Variants in PTPRK observed in about 807,000 individuals in gnomAD.
The protein encoded by PTPRK is protein tyrosine phosphatase receptor type K, also known as receptor-type tyrosine-protein phosphatase kappa.
PTPRK carries 75 observed loss-of-function variants against 178.0 expected under a neutral mutation model. That is an observed-to-expected ratio of 0.42 (90% CI 0.35 to 0.51). The LOEUF is 0.51. Ranked by LOEUF, PTPRK falls within the 20% of genes least tolerant of loss-of-function variation. The pLI, the probability that PTPRK is intolerant of heterozygous loss-of-function variation, is 0.02. For synonymous variants in PTPRK, 637 were observed against 620.6 expected (o/e 1.03, Z -0.39); for missense variants, 1,441 against 1,797.8 (o/e 0.80, Z 3.59).
chr6:128,188,534 G>A (rs894827904), intron 6 of PTPRK, among the ~76,000 whole-genome samples: 11 of 152,038 alleles, frequency 7.2e-5, no homozygotes, highest in Non-Finnish European at 1.5e-4. Flanking sequence ...TTTGTCAATG[G>A]GGCCTTGACA....
rs1265814001 is a variant in PTPRK at position 128,497,779 on chromosome 6, G to T, written c.100+22480C>A. Among the ~76,000 whole-genome samples the T allele has an allele frequency of 4.5e-3, 514 of 115,432 alleles. 4 individuals are homozygous for T. Among genetic ancestry groups the T allele is most frequent in the African/African-American group, 0.011 (401 of 37,672 alleles). 75.7% of individuals were successfully genotyped at this position (115,432 alleles called of 152,430 possible). On this transcript the variant is annotated intron_variant, in intron 1 of 29. Transcript: ENST00000368226. Reference sequence around the variant, plus strand: ...GTAATTATCACCTATCAAAAAGGTTGTTTTTTTTTTTCCTTTCTATTAGAT... The same window carrying T: ...GTAATTATCACCTATCAAAAAGGTTTTTTTTTTTTTTCCTTTCTATTAGAT...
rs569414015 is a variant in PTPRK at position 128,226,735 on chromosome 6, T to G, written c.694-7639A>C. On this transcript the variant is annotated intron_variant, in intron 5 of 29. Coordinates refer to ENST00000368226, the MANE Select transcript of PTPRK (RefSeq NM_002844.4). Reference sequence around the variant, plus strand: ...TTCAATTTTGTAAATAAAATCCTACTATATGTAATCTTATAATTATATAGA... The same window carrying G: ...TTCAATTTTGTAAATAAAATCCTACGATATGTAATCTTATAATTATATAGA... Among the ~76,000 whole-genome samples, 81 of 145,124 alleles carry G rather than the reference T, an allele frequency of 5.6e-4. No individual in the cohort carries two copies. In the Middle Eastern group the frequency reaches 0.015, roughly 26 times the overall value.
In PTPRK at chr6:128,519,844, C is replaced by T. The variant is rs759855156; in HGVS notation, c.100+415G>A. ...CGAGGTCAGTCCCTTCGAATCTCCACATTTCTGACAATGGCTTCCCAGGGA... is the reference window on the plus strand; with the variant it reads ...CGAGGTCAGTCCCTTCGAATCTCCATATTTCTGACAATGGCTTCCCAGGGA... On this transcript the variant is annotated intron_variant, in intron 1 of 29. Transcript: ENST00000368226. The surrounding 1 kb of genome is among the most constrained non-coding windows in gnomAD (Gnocchi z 4.3). Among the ~76,000 whole-genome samples the T allele has an allele frequency of 7.9e-5, 12 of 152,240 alleles. No individual in the cohort carries two copies. Among genetic ancestry groups the T allele is most frequent in the Non-Finnish European group, 1.6e-4 (11 of 68,046 alleles).
At chr6:128,229,766 T>A (rs1430958366) in intron 5 of PTPRK, among the ~76,000 whole-genome samples, 1 of 152,188 alleles carries the variant, frequency 6.6e-6, no homozygotes, top group Non-Finnish European at 1.5e-5. Flanking sequence ...TTTAAATCCA[T>A]GAGTGTATAA....
intron 3 of PTPRK, among the ~76,000 whole-genome samples, chr6:128,260,071 T>C (rs978188177): frequency 1.8e-4 from 27 of 152,210 alleles, no homozygotes; most frequent in African/African-American, 6.5e-4. Context: ...TTTGAATATT[T>C]ATAAGTATTT....
chr6:127,980,384 C>G (rs1414002177), intron 25 of PTPRK, among the ~76,000 whole-genome samples: 2 of 151,170 alleles, frequency 1.3e-5, no homozygotes, highest in African/African-American at 2.4e-5. Context: ...CCAAGTTACT[C>G]AAGAGTCTGA....
chr6:128,333,624 G>C (rs1263161302), intron 2 of PTPRK, among the ~76,000 whole-genome samples: 1 of 152,128 alleles, frequency 6.6e-6, no homozygotes, highest in East Asian at 1.9e-4. Flanking sequence ...TCAATGTTGA[G>C]GGCCTTGCTC....
intron 5 of PTPRK, among the ~76,000 whole-genome samples, chr6:128,233,333 C>A (rs1176271144): frequency 4.6e-5 from 7 of 152,160 alleles, no homozygotes; most frequent in Non-Finnish European, 8.8e-5. Context: ...GCTTTAGATT[C>A]CCACTACCAT....
At chr6:128,204,950 G>A (rs992967325) in intron 6 of PTPRK, among the ~76,000 whole-genome samples, 3 of 152,224 alleles carry the variant, frequency 2.0e-5, no homozygotes, top group East Asian at 1.9e-4. Flanking sequence ...CTTTTATAAA[G>A]ATACATGCAT....
At chr6:128,095,675 T>C (rs1278531132) in intron 7 of PTPRK, among the ~76,000 whole-genome samples, 2 of 152,204 alleles carry the variant, frequency 1.3e-5, no homozygotes, top group African/African-American at 2.4e-5. Flanking sequence ...TGTTTTCATA[T>C]ACTTGAAGAA....
Position 127,990,699 on chromosome 6 carries a change from C to G in PTPRK, c.3096+70G>C, listed in dbSNP as rs553755997. The G allele has an allele frequency of 3.0e-6, 3 of 994,778 alleles. No homozygotes were observed. The South Asian group carries it at 4.3e-5, about 14-fold the overall frequency. The allele number at this position is 994,778 out of a possible 1,614,324, so 61.6% of individuals were successfully genotyped here. A position where few individuals can be genotyped will look rare whatever the true frequency, so the allele number is the denominator to read the frequency against. On this transcript the variant is annotated intron_variant, in intron 21 of 29. Transcript: ENST00000368226. The stretch of plus-strand genomic sequence containing the variant: ...ATTTTATAGCATCATCAAAACAGAA[C>G]TTGGCAAAGATTTTAAGAGAAAAAG...
intron 13 of PTPRK, among the ~76,000 whole-genome samples, chr6:128,017,127 A>T (rs550571721): frequency 6.6e-6 from 1 of 152,010 alleles, no homozygotes; most frequent in Non-Finnish European, 1.5e-5. Flanking sequence ...CATTTTGCCA[A>T]ATCTGCTACT....
At chr6:128,282,896 G>T (rs532577653) in intron 3 of PTPRK, among the ~76,000 whole-genome samples, 1 of 152,206 alleles carries the variant, frequency 6.6e-6, no homozygotes, top group South Asian at 2.1e-4. Flanking sequence ...TGTACAAAAC[G>T]GAATGGTAGT....
At chr6:128,054,837 A>T (rs1051679892) in intron 13 of PTPRK, among the ~76,000 whole-genome samples, 6 of 152,224 alleles carry the variant, frequency 3.9e-5, no homozygotes, top group African/African-American at 1.4e-4. Context: ...TGAACCACGG[A>T]CTAGGGGTCA....
chr6:128,494,548 C>A (rs891496783), intron 1 of PTPRK, among the ~76,000 whole-genome samples: 3 of 152,020 alleles, frequency 2.0e-5, no homozygotes, highest in Admixed American at 6.5e-5. Flanking sequence ...TAAAAAAAAA[C>A]ACTTTTGTTT....
At chr6:128,050,317 G>T (rs1778792725) in intron 13 of PTPRK, among the ~76,000 whole-genome samples, 1 of 152,252 alleles carries the variant, frequency 6.6e-6, no homozygotes, top group South Asian at 2.1e-4. Flanking sequence ...CACCTTCCTT[G>T]AGACGTATTC....
intron 25 of PTPRK, 118 bp from the exon 26 acceptor site, chr6:127,977,172 G>T: frequency 6.2e-6 from 6 of 973,342 alleles, no homozygotes; most frequent in Non-Finnish European, 7.9e-6. Flanking sequence ...TTCATATGCA[G>T]AAGGAGCCAG....
intron 1 of PTPRK, among the ~76,000 whole-genome samples, chr6:128,426,515 T>A (rs1844159114): frequency 6.6e-6 from 1 of 152,244 alleles, no homozygotes; most frequent in Admixed American, 6.5e-5. Context: ...TTAATCCTTA[T>A]AACTTCTTCT....
intron 14 of PTPRK, among the ~76,000 whole-genome samples, chr6:128,006,458 C>CT (rs1778423140): frequency 6.6e-6 from 1 of 150,634 alleles, no homozygotes; most frequent in Non-Finnish European, 1.5e-5. Flanking sequence ...TCTTTAGATA[C>CT]AAAACATAAA....
Sources: gnomAD v4.1 joint callset for allele counts (sites outside exome capture counted in the v4.1 genomes callset) on GRCh38, gnomAD v4.1.1 for gene constraint, Gnocchi (gnomAD v3.1) non-coding constraint, MANE v1.5 for transcripts, NCBI Gene and HGNC (gene_info 2026-07-23, HGNC 2026-07-21) for gene names.